Variants in USP34 observed in about 807,000 individuals in gnomAD.
The protein encoded by USP34 is ubiquitin specific peptidase 34, also known as ubiquitin carboxyl-terminal hydrolase 34.
A neutral mutation model predicts 460.3 loss-of-function variants in USP34; 70 were observed. That is an observed-to-expected ratio of 0.15 (90% CI 0.13 to 0.19). USP34 has a LOEUF of 0.19. Among genes scored for constraint, USP34 ranks in the 10% least tolerant of loss-of-function variants. The pLI is 1.00. For missense variants in USP34, 3,985 were observed against 4,236.2 expected (o/e 0.94, Z 1.65); for synonymous variants, 1,647 against 1,405.3 (o/e 1.17, Z -3.85).
At chr2:61,335,779 A>G (rs1691397589) in intron 18 of USP34, among the ~76,000 whole-genome samples, 1 of 152,162 alleles carries the variant, frequency 6.6e-6, no homozygotes, top group Admixed American at 6.5e-5. Context: ...GATCCAGAGT[A>G]ATAATACACT....
chr2:61,321,820 A>G (rs1405751935), intron 21 of USP34, among the ~76,000 whole-genome samples: 1 of 152,234 alleles, frequency 6.6e-6, no homozygotes, highest in East Asian at 1.9e-4. Flanking sequence ...AGGTAATCCT[A>G]AAAATTGAGG....
At chr2:61,451,043 C>A (rs528618530) in intron 1 of USP34, among the ~76,000 whole-genome samples, 16 of 151,006 alleles carry the variant, frequency 1.1e-4, no homozygotes, top group African/African-American at 3.4e-4. Flanking sequence ...CATGGTGAAA[C>A]CCCATCTCTA....
intron 2 of USP34, among the ~76,000 whole-genome samples, chr2:61,412,586 ATAT>A (rs1233500482): frequency 6.6e-6 from 1 of 152,082 alleles, no homozygotes; most frequent in Non-Finnish European, 1.5e-5. Context: ...ATAGAAAAAA[ATAT>A]TAATAATGGA....
intron 27 of USP34, among the ~76,000 whole-genome samples, chr2:61,311,036 G>T (rs1170254260): frequency 2.0e-5 from 3 of 151,706 alleles, no homozygotes; most frequent in Non-Finnish European, 4.4e-5. Context: ...GGGAGGGGAG[G>T]GTGAAGGGAG....
At chr2:61,210,965 T>C (rs1238693929) in intron 69 of USP34, among the ~76,000 whole-genome samples, 1 of 152,220 alleles carries the variant, frequency 6.6e-6, no homozygotes, top group Non-Finnish European at 1.5e-5. Context: ...AAGCTTTAAG[T>C]AGTAAACTTT....
intron 61 of USP34, among the ~76,000 whole-genome samples, chr2:61,228,129 T>G (rs999342594): frequency 1.3e-5 from 2 of 152,224 alleles, no homozygotes; most frequent in Non-Finnish European, 2.9e-5. Flanking sequence ...AAGTTTCAAT[T>G]GTCTCATCTG....
At chr2:61,202,887 T>C (rs1290234606) in intron 75 of USP34, among the ~76,000 whole-genome samples, 2 of 152,114 alleles carry the variant, frequency 1.3e-5, no homozygotes, top group African/African-American at 2.4e-5. Context: ...TGGGCTTCTA[T>C]GTACAGAAGT....
In USP34 at chr2:61,419,576, A is replaced by C. The variant is rs547677547; in HGVS notation, c.131+1170T>G. Among the ~76,000 whole-genome samples, 6 of 152,280 alleles carry C rather than the reference A, an allele frequency of 3.9e-5. No homozygotes were observed. In the South Asian group the frequency reaches 1.2e-3, roughly 32 times the overall value. On this transcript the variant is annotated intron_variant, in intron 2 of 79. Coordinates refer to ENST00000398571, the MANE Select transcript of USP34 (RefSeq NM_014709.4). The stretch of plus-strand genomic sequence containing the variant: ...TAACTCCCACCCCATCTCTACCAAT[A>C]ACTAGTGATGAGATTTTAGGAGAAT...
At chr2:61,346,017 T>C (rs1306910597) in intron 15 of USP34, among the ~76,000 whole-genome samples, 1 of 152,212 alleles carries the variant, frequency 6.6e-6, no homozygotes, top group Non-Finnish European at 1.5e-5. Context: ...ATTTCACAGA[T>C]AACCAAAAAG....
At chr2:61,453,189 T>C (rs183203534) in intron 1 of USP34, among the ~76,000 whole-genome samples, 227 of 152,114 alleles carry the variant, frequency 1.5e-3, no homozygotes, top group African/African-American at 5.2e-3. Flanking sequence ...AGCGGGTGGA[T>C]TGCTAGAGCC....
At chr2:61,236,428 T>A (rs1231125186) in intron 53 of USP34, 39 bp from the exon 54 acceptor site, 1 of 1,418,810 alleles carries the variant, frequency 7.0e-7, no homozygotes, top group Non-Finnish European at 9.6e-7. Flanking sequence ...TAAAGCAGTT[T>A]ACTTCATTAC....
At chr2:61,251,477 TAGA>T (rs1558491633) in intron 48 of USP34, among the ~76,000 whole-genome samples, 2 of 152,226 alleles carry the variant, frequency 1.3e-5, no homozygotes, top group Non-Finnish European at 2.9e-5. Context: ...TCTTAATAAA[TAGA>T]AGCCAAGATA....
At chr2:61,358,315 A>C (rs1228748751) in intron 10 of USP34, among the ~76,000 whole-genome samples, 4 of 152,112 alleles carry the variant, frequency 2.6e-5, no homozygotes, top group Non-Finnish European at 4.4e-5. Flanking sequence ...TGGGGAAAAA[A>C]AAGACAAAGA....
intron 1 of USP34, among the ~76,000 whole-genome samples, chr2:61,452,618 C>G (rs1053969652): frequency 2.6e-5 from 4 of 151,844 alleles, no homozygotes; most frequent in Non-Finnish European, 5.9e-5. Flanking sequence ...AGCCACCGTG[C>G]TGGCCTGTAA....
intron 25 of USP34, among the ~76,000 whole-genome samples, chr2:61,313,910 A>G (rs1690669071): frequency 6.6e-6 from 1 of 152,074 alleles, no homozygotes; most frequent in African/African-American, 2.4e-5. Flanking sequence ...AAAGTTACTA[A>G]CTTTAACAAT....
intron 7 of USP34, among the ~76,000 whole-genome samples, chr2:61,379,253 T>G (rs1692900400): frequency 6.6e-6 from 1 of 152,144 alleles, no homozygotes; most frequent in Non-Finnish European, 1.5e-5. Flanking sequence ...GTGGGGTGGC[T>G]CACGCCTGTA....
intron 3 of USP34, among the ~76,000 whole-genome samples, chr2:61,401,021 C>T (rs767121514): frequency 1.5e-4 from 22 of 151,196 alleles, no homozygotes; most frequent in Non-Finnish European, 3.0e-4. Context: ...ATTTTGGGTG[C>T]GCGCCTGTAG....
chr2:61,197,802 C>A (rs948273863), intron 75 of USP34, among the ~76,000 whole-genome samples: 9 of 152,162 alleles, frequency 5.9e-5, no homozygotes, highest in Admixed American at 1.3e-4. Context: ...CTCTGTTGCT[C>A]AGGCTGGAGT....
intron 20 of USP34, among the ~76,000 whole-genome samples, chr2:61,329,413 A>G (rs754717119): frequency 6.6e-6 from 1 of 152,182 alleles, no homozygotes; most frequent in South Asian, 2.1e-4. Flanking sequence ...AGGAAAAAAG[A>G]AGGATACTGA....
Sources: allele counts gnomAD v4.1 joint callset (sites outside exome capture counted in the v4.1 genomes callset), GRCh38; gene constraint gnomAD v4.1.1; transcripts MANE v1.5; gene names NCBI Gene and HGNC (gene_info 2026-07-23, HGNC 2026-07-21).